Variants in CSGALNACT1 observed in about 807,000 individuals in gnomAD.
CSGALNACT1 encodes chondroitin sulfate N-acetylgalactosaminyltransferase 1.
A neutral mutation model predicts 51.0 loss-of-function variants in CSGALNACT1; 52 were observed. The observed-to-expected ratio is 1.02, with a 90% CI of 0.82 to 1.29. The LOEUF (loss-of-function observed/expected upper bound fraction) is 1.29, where lower values mean the gene tolerates loss of function less well. Among genes scored for constraint, CSGALNACT1 ranks in the 50% most tolerant of loss-of-function variants. The probability of loss-of-function intolerance (pLI) is 0.00; values close to 1 mark genes in which losing one functional copy is unlikely to be tolerated. For missense variants in CSGALNACT1, 935 were observed against 679.2 expected, an observed-to-expected ratio of 1.38 and a Z score of -4.19; for synonymous variants, 341 against 254.4, an observed-to-expected ratio of 1.34 and a Z score of -3.24.
intron 4 of CSGALNACT1, among the ~76,000 whole-genome samples, chr8:19,498,169 C>T (rs1307921905): frequency 6.6e-6 from 1 of 152,298 alleles, no homozygotes; most frequent in African/African-American, 2.4e-5. Flanking sequence ...GTTCACAATT[C>T]AGAGTTCTGT....
chr8:19,505,246 T>TC lies in CSGALNACT1; in HGVS notation c.588dup (p.Asn197GlufsTer12). 6.2e-7 allele frequency: 1 copy of TC among 1,614,116 alleles called. No homozygotes were observed. Among genetic ancestry groups the TC allele is most frequent in the Non-Finnish European group, 8.5e-7 (1 of 1,180,012 alleles). On this transcript the variant is annotated frameshift_variant, in exon 4 of 10. Coordinates refer to ENST00000454498, the Ensembl canonical transcript of CSGALNACT1. LOFTEE classifies it high-confidence loss of function. Reference sequence around the variant, plus strand: ...GTGTAAGGACGGTGATTGGGGCTGTTCTCTGCAGGACTGTTCAGGGTCTCC... The same window carrying TC: ...GTGTAAGGACGGTGATTGGGGCTGTTCCTCTGCAGGACTGTTCAGGGTCTCC...
intron 4 of CSGALNACT1, among the ~76,000 whole-genome samples, chr8:19,495,654 A>G (rs1224400114): frequency 6.6e-6 from 1 of 152,232 alleles, no homozygotes; most frequent in African/African-American, 2.4e-5. Flanking sequence ...AGAGAAACAA[A>G]GGAAGCAGAA....
At chr8:19,612,106 G>A (rs1238758482) in intron 1 of CSGALNACT1, among the ~76,000 whole-genome samples, 1 of 152,080 alleles carries the variant, frequency 6.6e-6, no homozygotes, top group Non-Finnish European at 1.5e-5. Context: ...ATTTTAGGAG[G>A]CTAAGGCAGA....
chr8:19,706,916 T>C (rs1328276653), intron 1 of CSGALNACT1, among the ~76,000 whole-genome samples: 1 of 152,162 alleles, frequency 6.6e-6, no homozygotes, highest in Non-Finnish European at 1.5e-5. Context: ...TGTGAGCAAC[T>C]ACACCTCTTT....
In CSGALNACT1 at chr8:19,675,070, A is replaced by C. The variant is rs1288501864; in HGVS notation, c.-544+7403T>G. On this transcript the variant is annotated intron_variant, in intron 1 of 9. Transcript: ENST00000332246. ...TGGGAAGAAATCCAGGCAAGAAATAAAAGTCTGGTGAGAGGTCCAGGCAAC... is the reference window on the plus strand; with the variant it reads ...TGGGAAGAAATCCAGGCAAGAAATACAAGTCTGGTGAGAGGTCCAGGCAAC... Among the ~76,000 whole-genome samples, 3 of 152,216 alleles carry C rather than the reference A, an allele frequency of 2.0e-5. No homozygotes were observed. In the East Asian group the frequency reaches 5.8e-4, roughly 29 times the overall value.
At chr8:19,427,656 C>T (rs1391583216) in intron 6 of CSGALNACT1, among the ~76,000 whole-genome samples, 3 of 152,022 alleles carry the variant, frequency 2.0e-5, no homozygotes, top group South Asian at 2.1e-4. Flanking sequence ...GGCATGGTGG[C>T]GGGCACCTGT....
intron 1 of CSGALNACT1, among the ~76,000 whole-genome samples, chr8:19,657,130 A>G (rs531447721): frequency 1.3e-5 from 2 of 151,860 alleles, no homozygotes; most frequent in Non-Finnish European, 2.9e-5. Context: ...AAAACAAAGA[A>G]TTTTTTTATT....
chr8:19,585,684 G>A (rs189727326), intron 3 of CSGALNACT1, among the ~76,000 whole-genome samples: 4 of 152,258 alleles, frequency 2.6e-5, no homozygotes, highest in East Asian at 3.9e-4. Context: ...TGGTGCTGAG[G>A]AATGGAGATT....
chr8:19,434,902 T>C (rs1478432810), intron 6 of CSGALNACT1, among the ~76,000 whole-genome samples: 1 of 151,530 alleles, frequency 6.6e-6, no homozygotes, highest in Admixed American at 6.6e-5. Flanking sequence ...ACAAAAAGCC[T>C]GGAACAAACC....
chr8:19,557,699 C>G (rs529494566), intron 3 of CSGALNACT1, among the ~76,000 whole-genome samples: 1 of 152,168 alleles, frequency 6.6e-6, no homozygotes, highest in Non-Finnish European at 1.5e-5. Context: ...AACAGCACCC[C>G]CTGTCAACTC....
At chr8:19,515,777 G>A (rs889414117) in intron 3 of CSGALNACT1, among the ~76,000 whole-genome samples, 2 of 152,050 alleles carry the variant, frequency 1.3e-5, no homozygotes, top group Admixed American at 6.5e-5. Flanking sequence ...GCTTGATGGA[G>A]AGGGGCTTCC....
intron 3 of CSGALNACT1, among the ~76,000 whole-genome samples, chr8:19,528,615 G>C (rs781761173): frequency 6.6e-6 from 1 of 152,020 alleles, no homozygotes; most frequent in Non-Finnish European, 1.5e-5. Flanking sequence ...ATCCAATCTA[G>C]AGCAAATCTC....
chr8:19,751,417 T>C (rs2065020045), intron 1 of CSGALNACT1, among the ~76,000 whole-genome samples: 1 of 152,132 alleles, frequency 6.6e-6, no homozygotes, highest in South Asian at 2.1e-4. Context: ...GGGAAGAGAA[T>C]TGTGACAGAA....
chr8:19,544,762 C>A (rs1455503585), intron 3 of CSGALNACT1, among the ~76,000 whole-genome samples: 1 of 152,106 alleles, frequency 6.6e-6, no homozygotes, highest in Non-Finnish European at 1.5e-5. Context: ...TTCTTTTGTA[C>A]AGTTTTAACT....
At chr8:19,406,414 C>T (rs562675279) in intron 9 of CSGALNACT1, among the ~76,000 whole-genome samples, 68 of 151,852 alleles carry the variant, frequency 4.5e-4, no homozygotes, top group South Asian at 8.4e-4. Flanking sequence ...AGCATTATTA[C>T]TGACAGACTT....
chr8:19,701,153 GTTT>G lies in CSGALNACT1; in HGVS notation c.-297+56694_-297+56696del, dbSNP rs767074945. 7.6e-3 allele frequency among the ~76,000 whole-genome samples: 705 copies of G among 93,264 alleles called. 9 individuals are homozygous for G. The highest frequency in any genetic ancestry group is 0.027 in the African/African-American group (645 of 24,318). 61.2% of individuals were successfully genotyped at this position (93,264 alleles called of 152,430 possible). A position where few individuals can be genotyped will look rare whatever the true frequency, so the allele number is the denominator to read the frequency against. ...GAAAATTTCAGTTCATCTATTATCC[GTTT>G]TTTTTTTTTTTTTTTTTGATACAGA... On this transcript the variant is annotated intron_variant, in intron 1 of 1. Coordinates refer to the CSGALNACT1 transcript ENST00000517494.
chr8:19,501,695 G>C (rs1362360953), intron 4 of CSGALNACT1, among the ~76,000 whole-genome samples: 1 of 152,180 alleles, frequency 6.6e-6, no homozygotes, highest in Non-Finnish European at 1.5e-5. Flanking sequence ...TTGTTTGATG[G>C]GATGATGTCA....
chr8:19,562,502 C>T (rs890441439), intron 3 of CSGALNACT1, among the ~76,000 whole-genome samples: 5 of 146,726 alleles, frequency 3.4e-5, no homozygotes, highest in African/African-American at 7.6e-5. Flanking sequence ...AAAAAAACTA[C>T]CATCAGAGCA....
chr8:19,548,642 C>G (rs2087096127), intron 3 of CSGALNACT1, among the ~76,000 whole-genome samples: 1 of 151,994 alleles, frequency 6.6e-6, no homozygotes, highest in Admixed American at 6.6e-5. Flanking sequence ...TTTATTTTAA[C>G]TTTTATCAAG....
Sources: gnomAD v4.1 joint callset for allele counts (sites outside exome capture counted in the v4.1 genomes callset) on GRCh38, gnomAD v4.1.1 for gene constraint, MANE v1.5 for transcripts, NCBI Gene and HGNC (gene_info 2026-07-23, HGNC 2026-07-21) for gene names.